PLEKHM1: variants seen among roughly 807,000 people sequenced by gnomAD.
The protein encoded by PLEKHM1 is pleckstrin homology and RUN domain containing M1.
In PLEKHM1, 28 loss-of-function variants were observed where a neutral mutation model predicts 94.3. The observed-to-expected ratio is 0.30, with a 90% CI of 0.22 to 0.41. The LOEUF (loss-of-function observed/expected upper bound fraction) is 0.41, where lower values mean the gene tolerates loss of function less well. Ranked by LOEUF, PLEKHM1 falls within the 10% of genes least tolerant of loss-of-function variation. PLEKHM1 has a pLI of 1.00. For missense variants in PLEKHM1, 907 were observed against 1,358.6 expected (o/e 0.67, Z 5.22); for synonymous variants, 424 against 581.2 (o/e 0.73, Z 3.89).
intron 4 of PLEKHM1, among the ~76,000 whole-genome samples, chr17:45,473,274 T>C (rs1053949529): frequency 1.3e-5 from 2 of 151,828 alleles, no homozygotes; most frequent in African/African-American, 4.8e-5. Context: ...ATTCATACAC[T>C]AGAACAATAT....
chr17:45,464,928 T>C (rs2051274923), intron 5 of PLEKHM1, among the ~76,000 whole-genome samples: 1 of 152,126 alleles, frequency 6.6e-6, no homozygotes. Context: ...TTGACTTATC[T>C]TTGTTACTTT....
chr17:45,456,125 A>C (rs1458567505), intron 6 of PLEKHM1: 2 of 152,134 alleles, frequency 1.3e-5, no homozygotes, highest in African/African-American at 4.8e-5. Flanking sequence ...CTTATTGGTG[A>C]GGGCTTTTCT....
At chr17:45,473,499 T>C (rs2145307951) in intron 4 of PLEKHM1, among the ~76,000 whole-genome samples, 1 of 151,944 alleles carries the variant, frequency 6.6e-6, no homozygotes, top group South Asian at 2.1e-4. Context: ...TATAGAACAG[T>C]GTGTATATAC....
At position 45,471,537 on chromosome 17, in the gene PLEKHM1, C is replaced by T. The variant is rs548605659; in HGVS notation, c.924-2944G>A. On this transcript the variant is annotated intron_variant, in intron 4 of 11. Coordinates refer to ENST00000430334, the MANE Select transcript of PLEKHM1 (RefSeq NM_014798.3). ...CAGCACTTTGAGAGGCTGAGCCAGGCGGATCACCTGAGGTCAGGAGTTCAC... is the reference window on the plus strand; with the variant it reads ...CAGCACTTTGAGAGGCTGAGCCAGGTGGATCACCTGAGGTCAGGAGTTCAC... Among the ~76,000 whole-genome samples the T allele has an allele frequency of 4.9e-4, 75 of 151,780 alleles. 1 individual carries two copies. In the East Asian group the frequency reaches 0.014, roughly 28 times the overall value.
chr17:45,463,023 A>T (rs2145259803), intron 5 of PLEKHM1, among the ~76,000 whole-genome samples: 1 of 149,432 alleles, frequency 6.7e-6, no homozygotes. Context: ...CAGAGGTTGC[A>T]GTGAGCCGAG....
Position 45,489,623 on chromosome 17 carries a change from C to CTG in PLEKHM1, c.-42+1028_-42+1029insCA, listed in dbSNP as rs1168375241. ...CAGATGCCAGGAAAAACCCCGGCCC[C>CTG]ACCCAAGAGTTGGGGAGAGCCCACT... On this transcript the variant is annotated intron_variant, in intron 1 of 11. Coordinates refer to ENST00000430334, the MANE Select transcript of PLEKHM1 (RefSeq NM_014798.3). 3.1e-3 allele frequency among the ~76,000 whole-genome samples: 473 copies of CTG among 151,956 alleles called. 1 individual carries two copies. Among genetic ancestry groups the CTG allele is most frequent in the African/African-American group, 0.011 (442 of 41,242 alleles).
At chr17:45,478,418 T>C (rs2051828666) in intron 2 of PLEKHM1, among the ~76,000 whole-genome samples, 2 of 152,238 alleles carry the variant, frequency 1.3e-5, no homozygotes, top group Admixed American at 1.3e-4. Flanking sequence ...AGATACTTTT[T>C]GTTTTTTAGA....
rs145187824 is a variant in PLEKHM1 at position 45,454,055 on chromosome 17, A to G, written c.1797T>C (p.Ser599=). 2.9e-5 allele frequency: 47 copies of G among 1,614,196 alleles called. No homozygotes were observed. In the African/African-American group the frequency reaches 5.7e-4, roughly 20 times the overall value. The change falls in exon 7 of 12, where the codon TCT becomes TCC. Residue 599 remains serine, a synonymous_variant. Transcript: ENST00000430334. ...AGGCGCGCAGGGCCAGCTTCTTGCC[A>G]GAGAAGACCAGCTCAAAGCGCCCAT... The part of the protein sequence containing the change: ...HSDGRFELVF[S]GKKLALRASS...
At chr17:45,451,820 C>T (rs2145208511) in intron 7 of PLEKHM1, among the ~76,000 whole-genome samples, 1 of 152,314 alleles carries the variant, frequency 6.6e-6, no homozygotes, top group East Asian at 1.9e-4. Flanking sequence ...GGAACCCTTT[C>T]TTGCAAGCCC....
chr17:45,451,878 A>G (rs547907529), intron 7 of PLEKHM1, among the ~76,000 whole-genome samples: 1 of 152,352 alleles, frequency 6.6e-6, no homozygotes, highest in East Asian at 1.9e-4. Context: ...CTGAAGAGCA[A>G]AGTGTGAGCG....
At chr17:45,435,795 G>A (rs191424515), downstream of PLEKHM1, 145 of 370,906 alleles carry the variant, frequency 3.9e-4, no homozygotes, top group African/African-American at 2.6e-3. Flanking sequence ...GCCTTCCCCC[G>A]TGCCAGGGAC....
chr17:45,470,069 C>T (rs1208927337), intron 4 of PLEKHM1, among the ~76,000 whole-genome samples: 1 of 150,372 alleles, frequency 6.7e-6, no homozygotes, highest in Non-Finnish European at 1.5e-5. Context: ...GAGACTCCAT[C>T]TCAAAAAAAA....
In PLEKHM1 at chr17:45,475,781, G is replaced by A. The variant is rs892044389; in HGVS notation, c.297-55C>T. The A allele has an allele frequency of 7.2e-6, 11 of 1,527,836 alleles. No homozygotes were observed. The Admixed American group carries it at 2.1e-4, about 30-fold the overall frequency. The allele number at this position is 1,527,836 out of a possible 1,614,324, so 94.6% of individuals were successfully genotyped here. On this transcript the variant is annotated intron_variant, in intron 3 of 11. Transcript: ENST00000430334. ...AAACTACCCCAAATCACAGAGATGT[G>A]CTTTTATCCACTGGTTAGCAGGAAC...
In PLEKHM1 at chr17:45,451,134, G is replaced by C. The variant is rs1393761594; in HGVS notation, c.2498-371C>G. On this transcript the variant is annotated intron_variant, in intron 7 of 11. Coordinates refer to ENST00000430334, the MANE Select transcript of PLEKHM1 (RefSeq NM_014798.3). ...GTCCGGTGTCCCCACTGCTGGCTTG[G>C]CAATGCCAGCCTCCTCTAGGTCCAC... Among the ~76,000 whole-genome samples the C allele has an allele frequency of 2.0e-5, 3 of 151,826 alleles. No homozygotes were observed. In the East Asian group the frequency reaches 5.8e-4, roughly 29 times the overall value.
rs186701203 is a variant in PLEKHM1 at position 45,469,611 on chromosome 17, T to C, written c.924-1018A>G. On this transcript the variant is annotated intron_variant, in intron 4 of 11. Transcript: ENST00000430334. ...ATCTGCCCTGATGGCTTGGACTGGG[T>C]CCAGAAGATACATGAAGCTCTGCTT... Among the ~76,000 whole-genome samples the C allele has an allele frequency of 2.4e-4, 37 of 152,348 alleles. 3 individuals carry two copies. The highest frequency in any genetic ancestry group is 8.4e-4 in the African/African-American group (35 of 41,588).
chr17:45,471,936 A>C (rs1051427562), intron 4 of PLEKHM1, among the ~76,000 whole-genome samples: 22 of 152,290 alleles, frequency 1.4e-4, no homozygotes, highest in African/African-American at 5.1e-4. Flanking sequence ...GGAAGAAGCT[A>C]TTTAGGACAG....
intron 5 of PLEKHM1, among the ~76,000 whole-genome samples, chr17:45,465,642 G>A (rs1005144890): frequency 5.3e-5 from 8 of 152,280 alleles, no homozygotes; most frequent in South Asian, 4.1e-4. Flanking sequence ...CTTAGGAGGC[G>A]GAGGTTTCAG....
chr17:45,468,517 T>C lies in PLEKHM1; in HGVS notation c.1000A>G (p.Thr334Ala). 6.2e-7 allele frequency: 1 copy of C among 1,614,186 alleles called. No homozygotes were observed. The highest frequency in any genetic ancestry group is 1.1e-5 in the South Asian group (1 of 91,086). Residue 334 changes from threonine (T) to alanine (A), a missense_variant, in exon 5 of 12, where the codon ACA (threonine) becomes GCA (alanine). Physicochemically the swap from Thr to Ala is moderately conservative, Grantham distance 58. Around this residue, in one of 3 missense-constraint regions of PLEKHM1, gnomAD observed 477 missense variants for 601.5 expected, o/e 0.79. Coordinates refer to ENST00000430334, the MANE Select transcript of PLEKHM1 (RefSeq NM_014798.3). ...NGLSQETEIP[T>A]PQASLSLHGL... ...TGGAGGGAGAGCGAGGCCTGTGGTG[T>C]GGGGATCTCTGTTTCTTGGCTCAGT...
At chr17:45,451,221 G>C (rs939017575) in intron 7 of PLEKHM1, among the ~76,000 whole-genome samples, 5 of 152,260 alleles carry the variant, frequency 3.3e-5, no homozygotes, top group African/African-American at 9.6e-5. Flanking sequence ...CAGCGAAGTA[G>C]CTGGGGGACA....
Sources: gnomAD v4.1 joint callset for allele counts (sites outside exome capture counted in the v4.1 genomes callset) on GRCh38, gnomAD v4.1.1 for gene constraint, gnomAD v4.1.1 regional missense constraint, MANE v1.5 for transcripts, NCBI Gene and HGNC (gene_info 2026-07-23, HGNC 2026-07-21) for gene names.